RERE: variants seen among roughly 807,000 people sequenced by gnomAD.
RERE encodes arginine-glutamic acid dipeptide repeats.
RERE carries 40 observed loss-of-function variants against 146.1 expected under a neutral mutation model. That is an observed-to-expected ratio of 0.27 (90% CI 0.21 to 0.36). The LOEUF is 0.36. RERE is among the 10% of genes least tolerant of loss of function. The pLI is 1.00. For missense variants in RERE, 1,933 were observed against 2,138.7 expected, an observed-to-expected ratio of 0.90 and a Z score of 1.90; for synonymous variants, 1,003 against 866.0, an observed-to-expected ratio of 1.16 and a Z score of -2.78.
intron 1 of RERE, among the ~76,000 whole-genome samples, chr1:8,757,225 G>C (rs1640661729): frequency 6.6e-6 from 1 of 151,752 alleles, no homozygotes; most frequent in East Asian, 1.9e-4. Context: ...ATGTCACAAA[G>C]TAAACATTTT....
intron 11 of RERE, among the ~76,000 whole-genome samples, chr1:8,453,585 C>T (rs974603670): frequency 6.6e-6 from 1 of 152,166 alleles, no homozygotes; most frequent in East Asian, 1.9e-4. Flanking sequence ...GTGGGCAGAT[C>T]ATTTGAGGTT....
intron 10 of RERE, among the ~76,000 whole-genome samples, chr1:8,482,547 T>C (rs1213150374): frequency 6.6e-6 from 1 of 151,490 alleles, no homozygotes; most frequent in Non-Finnish European, 1.5e-5. Flanking sequence ...CCGGGCGTGG[T>C]GGCAGGTGCC....
At chr1:8,562,858 A>G (rs1452146078) in intron 4 of RERE, among the ~76,000 whole-genome samples, 2 of 152,210 alleles carry the variant, frequency 1.3e-5, no homozygotes, top group African/African-American at 4.8e-5. Context: ...GACAAAATCC[A>G]TCCCCCAAAT....
intron 1 of RERE, among the ~76,000 whole-genome samples, chr1:8,780,540 G>A (rs1375442324): frequency 2.0e-5 from 3 of 152,136 alleles, no homozygotes; most frequent in Non-Finnish European, 4.4e-5. Flanking sequence ...AGAGAACAAT[G>A]CCATCCAGGG....
At chr1:8,405,754 T>G (rs530230072) in intron 12 of RERE, among the ~76,000 whole-genome samples, 6 of 151,984 alleles carry the variant, frequency 3.9e-5, no homozygotes, top group Non-Finnish European at 7.4e-5. Context: ...TTCTCCTGCC[T>G]CATTTTCCTG....
At chr1:8,449,822 T>C (rs913016662) in intron 11 of RERE, among the ~76,000 whole-genome samples, 2 of 152,184 alleles carry the variant, frequency 1.3e-5, no homozygotes, top group Non-Finnish European at 2.9e-5. Flanking sequence ...TAGAAAAATA[T>C]AGATCACTCT....
chr1:8,744,655 T>G (rs1640384168), intron 1 of RERE, among the ~76,000 whole-genome samples: 1 of 152,160 alleles, frequency 6.6e-6, no homozygotes, highest in South Asian at 2.1e-4. Flanking sequence ...ACCTTCAAAC[T>G]TTAGCGATAA....
At chr1:8,447,829 GGCTCT>G (rs1314991400) in intron 11 of RERE, among the ~76,000 whole-genome samples, 2 of 152,220 alleles carry the variant, frequency 1.3e-5, no homozygotes, top group Non-Finnish European at 2.9e-5. Flanking sequence ...ACTCGAGCCA[GGCTCT>G]GCCTGCTTCT....
chr1:8,362,356 T>TG (rs1641611665), intron 16 of RERE, among the ~76,000 whole-genome samples: 1 of 152,144 alleles, frequency 6.6e-6, no homozygotes, highest in East Asian at 1.9e-4. Flanking sequence ...TCCTGGGCGG[T>TG]GGAGGCTCTG....
intron 6 of RERE, among the ~76,000 whole-genome samples, chr1:8,555,400 G>T (rs987398976): frequency 2.0e-5 from 3 of 152,126 alleles, no homozygotes; most frequent in South Asian, 2.1e-4. Context: ...CAGCTGACCC[G>T]AAAAGCTTGC....
intron 3 of RERE, among the ~76,000 whole-genome samples, chr1:8,620,531 C>T (rs2124214224): frequency 1.3e-5 from 2 of 152,180 alleles, no homozygotes; most frequent in Middle Eastern, 6.8e-3. Flanking sequence ...TACTAACTGC[C>T]TCAGTCTCTC....
At chr1:8,790,561 A>C (rs1641345722) in intron 1 of RERE, among the ~76,000 whole-genome samples, 1 of 152,208 alleles carries the variant, frequency 6.6e-6, no homozygotes, top group Non-Finnish European at 1.5e-5. Context: ...TATAGAAATA[A>C]ACTAAGCCAT....
At chr1:8,727,465 ATATTTCAATTACCC>A (rs1264688107) in intron 1 of RERE, among the ~76,000 whole-genome samples, 3 of 151,384 alleles carry the variant, frequency 2.0e-5, no homozygotes, top group African/African-American at 7.3e-5. Context: ...AAAACATACA[ATATTTCAATTACCC>A]ACTGTTTTTT....
intron 7 of RERE, among the ~76,000 whole-genome samples, chr1:8,530,832 C>CA (rs1408766041): frequency 6.6e-6 from 1 of 151,074 alleles, no homozygotes; most frequent in Admixed American, 6.6e-5. Flanking sequence ...GCTGGGACTA[C>CA]AGGCGCCCGC....
intron 7 of RERE, among the ~76,000 whole-genome samples, chr1:8,518,533 T>C (rs1645450420): frequency 6.6e-6 from 1 of 152,198 alleles, no homozygotes. Flanking sequence ...AGTACACATT[T>C]AGAAAATGAC....
intron 6 of RERE, among the ~76,000 whole-genome samples, chr1:8,547,625 T>C (rs765003703): frequency 2.0e-5 from 3 of 152,030 alleles, no homozygotes; most frequent in Non-Finnish European, 4.4e-5. Context: ...TTCAAACATA[T>C]GAAAAAATGT....
chr1:8,613,735 T>C (rs1455942785), intron 4 of RERE, among the ~76,000 whole-genome samples: 1 of 152,206 alleles, frequency 6.6e-6, no homozygotes. Flanking sequence ...CTGACGTCAA[T>C]GTAACTGCAA....
chr1:8,758,178 C>G lies in RERE; in HGVS notation c.-145+58982G>C, dbSNP rs1354084483. On this transcript the variant is annotated intron_variant, in intron 1 of 22. Transcript: ENST00000400908. ...CCAGCTCACTGCAACCTCCACCTCC[C>G]AGGTTCAAGCAATTCTCCTGCCTGA... is the stretch of plus-strand genomic sequence containing the variant. Among the ~76,000 whole-genome samples, 4 of 151,828 alleles carry G rather than the reference C, an allele frequency of 2.6e-5. No individual in the cohort carries two copies. In the East Asian group the frequency reaches 7.7e-4, roughly 29 times the overall value.
At chr1:8,444,475 G>T (rs1309346655) in intron 11 of RERE, among the ~76,000 whole-genome samples, 2 of 152,320 alleles carry the variant, frequency 1.3e-5, no homozygotes, top group East Asian at 3.9e-4. Context: ...CTGGAATGAG[G>T]TAAGACTTTG....
Sources: gnomAD v4.1 joint callset for allele counts (sites outside exome capture counted in the v4.1 genomes callset) on GRCh38, gnomAD v4.1.1 for gene constraint, MANE v1.5 for transcripts, NCBI Gene and HGNC (gene_info 2026-07-23, HGNC 2026-07-21) for gene names.